MIGA1: variants seen among roughly 807,000 people sequenced by gnomAD.
MIGA1 encodes mitoguardin 1, also known as family with sequence similarity 73, member A.
Under a neutral mutation model 82.0 loss-of-function variants are expected in MIGA1, and 58 were observed. That is an observed-to-expected ratio of 0.71 (90% CI 0.57 to 0.88). MIGA1 has a LOEUF of 0.88. MIGA1 is among the 40% of genes least tolerant of loss of function. MIGA1 has a pLI of 0.00. For missense variants in MIGA1, 751 were observed against 749.1 expected (o/e 1.00, Z -0.03); for synonymous variants, 249 against 253.6 (o/e 0.98, Z 0.17).
At chr1:77,795,073 C>G (rs1171791018) in intron 2 of MIGA1, among the ~76,000 whole-genome samples, 1 of 151,848 alleles carries the variant, frequency 6.6e-6, no homozygotes, top group East Asian at 1.9e-4. Flanking sequence ...AAGCAATTCT[C>G]CTGTCTCAGC....
chr1:77,804,434 G>A (rs1392803290), intron 4 of MIGA1, among the ~76,000 whole-genome samples: 1 of 152,172 alleles, frequency 6.6e-6, no homozygotes. Context: ...TATACAATGA[G>A]AGCTGGGTGC....
At chr1:77,796,189 G>T (rs1401185550) in intron 2 of MIGA1, among the ~76,000 whole-genome samples, 1 of 151,108 alleles carries the variant, frequency 6.6e-6, no homozygotes, top group Non-Finnish European at 1.5e-5. Context: ...CATGATCTCG[G>T]CTCACTGCAA....
chr1:77,795,506 G>A (rs913745206), intron 2 of MIGA1, among the ~76,000 whole-genome samples: 4 of 151,486 alleles, frequency 2.6e-5, no homozygotes, highest in African/African-American at 4.8e-5. Flanking sequence ...GCCAATTTTT[G>A]TATTTTTGTT....
At chr1:77,846,819 C>G (rs1251952927) in intron 8 of MIGA1, among the ~76,000 whole-genome samples, 1 of 151,852 alleles carries the variant, frequency 6.6e-6, no homozygotes, top group Non-Finnish European at 1.5e-5. Context: ...TGGTGGCGGG[C>G]GCCTGTAGTC....
chr1:77,831,104 A>G (rs1248254242), intron 7 of MIGA1, among the ~76,000 whole-genome samples: 1 of 152,168 alleles, frequency 6.6e-6, no homozygotes, highest in Non-Finnish European at 1.5e-5. Context: ...ATACCTCACA[A>G]TTGATGTGCC....
At chr1:77,811,098 C>T in intron 5 of MIGA1, 2 of 1,603,150 alleles carry the variant, frequency 1.2e-6, no homozygotes, top group Admixed American at 1.7e-5. Flanking sequence ...TTTCAACATG[C>T]TTCTGGAGCT....
At chr1:77,789,060 A>G (rs1246606683) in intron 2 of MIGA1, among the ~76,000 whole-genome samples, 2 of 151,918 alleles carry the variant, frequency 1.3e-5, no homozygotes, top group African/African-American at 4.8e-5. Context: ...GTTTCTGTTT[A>G]TTCATGTTTT....
intron 7 of MIGA1, among the ~76,000 whole-genome samples, chr1:77,823,700 G>A (rs886113053): frequency 3.3e-5 from 5 of 152,152 alleles, no homozygotes; most frequent in Non-Finnish European, 5.9e-5. Flanking sequence ...GAGTAGCTAG[G>A]ACTGCAGGTG....
At chr1:77,780,794 T>C (rs1681871882) in intron 1 of MIGA1, among the ~76,000 whole-genome samples, 1 of 152,138 alleles carries the variant, frequency 6.6e-6, no homozygotes, top group Admixed American at 6.5e-5. Flanking sequence ...TTCTTTAGTT[T>C]TTCAATGAAT....
chr1:77,831,262 G>A (rs538042769), intron 7 of MIGA1, among the ~76,000 whole-genome samples: 1 of 152,122 alleles, frequency 6.6e-6, no homozygotes, highest in South Asian at 2.1e-4. Flanking sequence ...CAAGTTTCAC[G>A]TAAGAAGATA....
At chr1:77,873,876 G>T (rs1487122483) in intron 15 of MIGA1, among the ~76,000 whole-genome samples, 1 of 152,122 alleles carries the variant, frequency 6.6e-6, no homozygotes, top group African/African-American at 2.4e-5. Flanking sequence ...TTCAGAACAC[G>T]TTGATTTTTG....
intron 8 of MIGA1, among the ~76,000 whole-genome samples, chr1:77,844,252 C>G (rs960879518): frequency 1.4e-5 from 2 of 147,024 alleles, no homozygotes. Context: ...AACCTAATGC[C>G]AAATTATGAC....
In MIGA1 at chr1:77,875,140, C is replaced by A; in HGVS notation, c.*76C>A. 8.4e-7 allele frequency: 1 copy of A among 1,193,500 alleles called. No individual in the cohort carries two copies. The highest frequency in any genetic ancestry group is 1.2e-6 in the Non-Finnish European group (1 of 831,322). The allele number at this position is 1,193,500 out of a possible 1,614,324, so 73.9% of individuals were successfully genotyped here. A position where few individuals can be genotyped will look rare whatever the true frequency, so the allele number is the denominator to read the frequency against. ...ACTATTGATTTTGTAACATATATTA[C>A]AAAGTTAACAGAATTGATGCATGTG... On this transcript the variant is annotated 3_prime_UTR_variant, in exon 16 of 16. Transcript: ENST00000370791.
intron 2 of MIGA1, among the ~76,000 whole-genome samples, chr1:77,789,054 C>T (rs1294270709): frequency 6.6e-6 from 1 of 151,812 alleles, no homozygotes; most frequent in Non-Finnish European, 1.5e-5. Context: ...GGATGTGTTT[C>T]TGTTTATTCA....
At chr1:77,848,135 C>A in intron 8 of MIGA1, 5 of 1,351,820 alleles carry the variant, frequency 3.7e-6, no homozygotes, top group Non-Finnish European at 5.3e-6. Flanking sequence ...ATTACACTGA[C>A]CGTGATTACC....
chr1:77,813,202 G>A (rs375479456), intron 5 of MIGA1, among the ~76,000 whole-genome samples: 23 of 151,960 alleles, frequency 1.5e-4, no homozygotes, highest in Admixed American at 4.6e-4. Context: ...GGCTGGTCTC[G>A]AACTCCTGAC....
Position 77,875,165 on chromosome 1 carries a change from G to A in MIGA1, c.*101G>A. The A allele has an allele frequency of 1.1e-6, 1 of 933,918 alleles. No homozygotes were observed. The highest frequency in any genetic ancestry group is 1.6e-6 in the Non-Finnish European group (1 of 619,482). 57.9% of individuals were successfully genotyped at this position (933,918 alleles called of 1,614,324 possible). A position where few individuals can be genotyped will look rare whatever the true frequency, so the allele number is the denominator to read the frequency against. On this transcript the variant is annotated 3_prime_UTR_variant, in exon 16 of 16. Transcript: ENST00000370791. ...CAAAGTTAACAGAATTGATGCATGT[G>A]GATTCAGGGAGGAAAAAAAAATCTA...
chr1:77,821,025 T>TCCC (rs1683785945), intron 7 of MIGA1, among the ~76,000 whole-genome samples: 1 of 152,028 alleles, frequency 6.6e-6, no homozygotes, highest in Non-Finnish European at 1.5e-5. Flanking sequence ...TCCCAGCTAC[T>TCCC]TGGGAGGCTG....
At chr1:77,866,434 A>G (rs1480705352) in intron 14 of MIGA1, 43 bp downstream of exon 14, 1 of 1,586,336 alleles carries the variant, frequency 6.3e-7, no homozygotes, top group Non-Finnish European at 8.7e-7. Context: ...AAATCATTTA[A>G]GGATTCTGTC....
Sources: gnomAD v4.1 joint callset for allele counts (sites outside exome capture counted in the v4.1 genomes callset) on GRCh38, gnomAD v4.1.1 for gene constraint, MANE v1.5 for transcripts, NCBI Gene and HGNC (gene_info 2026-07-23, HGNC 2026-07-21) for gene names.